The following MALRD1 variants were observed in gnomAD, a reference collection of about 807,000 sequenced individuals.
MALRD1 encodes the protein MAM and LDL-receptor class A domain-containing protein 1.
Under a neutral mutation model 242.1 loss-of-function variants are expected in MALRD1, and 247 were observed. The ratio of observed to expected loss-of-function variants is 1.02; its 90% CI spans 0.92 to 1.13. The LOEUF is 1.13. Ranked by LOEUF, MALRD1 falls within the 50% of genes most tolerant of loss-of-function variation. MALRD1 has a pLI of 0.00. For synonymous variants in MALRD1, 995 were observed against 866.6 expected (o/e 1.15, Z -2.60); for missense variants, 2,989 against 2,533.1 (o/e 1.18, Z -3.86).
intron 10 of MALRD1, among the ~76,000 whole-genome samples, chr10:19,139,277 CAAAAT>C (rs1167655886): frequency 6.6e-6 from 1 of 152,096 alleles, no homozygotes; most frequent in Non-Finnish European, 1.5e-5. Context: ...TATATTCTTA[CAAAAT>C]AAAAGAGGCT....
intron 36 of MALRD1, among the ~76,000 whole-genome samples, chr10:19,684,022 T>C (rs1184477483): frequency 6.6e-6 from 1 of 152,154 alleles, no homozygotes; most frequent in African/African-American, 2.4e-5. Flanking sequence ...AGTGAGAACA[T>C]GCAATGTTTG....
chr10:19,584,487 G>C (rs1326402925), intron 33 of MALRD1, among the ~76,000 whole-genome samples: 1 of 152,144 alleles, frequency 6.6e-6, no homozygotes, highest in African/African-American at 2.4e-5. Flanking sequence ...TATGTACCCA[G>C]TAGTCATTCA....
At chr10:19,673,397 A>G (rs1842008454) in intron 36 of MALRD1, among the ~76,000 whole-genome samples, 1 of 152,168 alleles carries the variant, frequency 6.6e-6, no homozygotes, top group African/African-American at 2.4e-5. Flanking sequence ...AAAATAAATA[A>G]ATAAATAAAA....
chr10:19,670,977 C>A (rs1254541622), intron 36 of MALRD1, among the ~76,000 whole-genome samples: 8 of 151,040 alleles, frequency 5.3e-5, no homozygotes, highest in Admixed American at 5.3e-4. Flanking sequence ...CTCCCGGGTT[C>A]ACGCCATTCT....
At chr10:19,638,421 A>C (rs1306751068) in intron 36 of MALRD1, among the ~76,000 whole-genome samples, 2 of 152,208 alleles carry the variant, frequency 1.3e-5, no homozygotes, top group African/African-American at 4.8e-5. Flanking sequence ...GTGATACTGC[A>C]TTAAGGGAGT....
chr10:19,555,625 A>G (rs1316033852), intron 32 of MALRD1, among the ~76,000 whole-genome samples: 4 of 152,136 alleles, frequency 2.6e-5, no homozygotes, highest in Admixed American at 6.6e-5. Flanking sequence ...GGAAATGTGT[A>G]GGGGAGACAG....
At chr10:19,626,023 T>C (rs1287097345) in intron 36 of MALRD1, among the ~76,000 whole-genome samples, 1 of 152,066 alleles carries the variant, frequency 6.6e-6, no homozygotes, top group East Asian at 1.9e-4. Flanking sequence ...TTTCAAAAAG[T>C]CAATTTAAAG....
chr10:19,588,145 C>T (rs566806124), intron 33 of MALRD1, among the ~76,000 whole-genome samples: 7 of 151,742 alleles, frequency 4.6e-5, no homozygotes, highest in African/African-American at 1.7e-4. Context: ...CAAATATATT[C>T]GAAAATTTTT....
At chr10:19,355,893 T>C (rs1405546026) in intron 26 of MALRD1, among the ~76,000 whole-genome samples, 5 of 132,352 alleles carry the variant, frequency 3.8e-5, no homozygotes, top group Admixed American at 2.3e-4. Flanking sequence ...CATATATATA[T>C]GTTGAATATA....
chr10:19,446,222 C>T (rs766980067), intron 28 of MALRD1, among the ~76,000 whole-genome samples: 7 of 152,164 alleles, frequency 4.6e-5, no homozygotes, highest in Non-Finnish European at 8.8e-5. Context: ...ATTCCCCAGT[C>T]GCTTGTGGTT....
chr10:19,140,365 C>G (rs1833495090), intron 10 of MALRD1, among the ~76,000 whole-genome samples: 1 of 152,122 alleles, frequency 6.6e-6, no homozygotes. Flanking sequence ...TAAAATTTCT[C>G]TAAAACCAAA....
intron 1 of MALRD1, among the ~76,000 whole-genome samples, chr10:19,059,989 G>A (rs572617963): frequency 6.6e-6 from 1 of 152,332 alleles, no homozygotes; most frequent in East Asian, 1.9e-4. Context: ...AGCAAAGGCA[G>A]TCAATATCGG....
intron 26 of MALRD1, among the ~76,000 whole-genome samples, chr10:19,378,441 G>A (rs1845698663): frequency 6.6e-6 from 1 of 152,146 alleles, no homozygotes; most frequent in African/African-American, 2.4e-5. Context: ...ATGGAAAGAA[G>A]TATTAATCTG....
chr10:19,612,613 T>G (rs1187667415), intron 35 of MALRD1, among the ~76,000 whole-genome samples: 1 of 151,802 alleles, frequency 6.6e-6, no homozygotes, highest in Non-Finnish European at 1.5e-5. Flanking sequence ...GACTGGGTAG[T>G]TTATTTAAAA....
chr10:19,332,607 A>G (rs1843425445), intron 24 of MALRD1, among the ~76,000 whole-genome samples: 1 of 152,190 alleles, frequency 6.6e-6, no homozygotes, highest in African/African-American at 2.4e-5. Context: ...CTGAGCTAGA[A>G]TATTGCAGTT....
At chr10:19,134,604 G>A (rs2813776) in intron 9 of MALRD1, among the ~76,000 whole-genome samples, 2 of 151,972 alleles carry the variant, frequency 1.3e-5, no homozygotes, top group Admixed American at 1.3e-4. Flanking sequence ...GGTTATGAAG[G>A]CAACTTCATT....
chr10:19,225,283 G>A (rs1837744833), intron 18 of MALRD1, among the ~76,000 whole-genome samples: 1 of 152,102 alleles, frequency 6.6e-6, no homozygotes, highest in African/African-American at 2.4e-5. Flanking sequence ...ATAGAGAATG[G>A]AGATAATGGA....
At chr10:19,516,692 C>T (rs907212388) in intron 31 of MALRD1, among the ~76,000 whole-genome samples, 1 of 148,076 alleles carries the variant, frequency 6.8e-6, no homozygotes, top group African/African-American at 2.6e-5. Flanking sequence ...CTCCTCCCTC[C>T]CTTCCTCCCT....
intron 18 of MALRD1, among the ~76,000 whole-genome samples, chr10:19,223,498 T>C (rs2131671273): frequency 6.6e-6 from 1 of 152,242 alleles, no homozygotes; most frequent in Non-Finnish European, 1.5e-5. Context: ...ATATTTCTAT[T>C]TTTACCATTT....
Sources: allele counts gnomAD v4.1 joint callset (sites outside exome capture counted in the v4.1 genomes callset), GRCh38; gene constraint gnomAD v4.1.1; transcripts MANE v1.5; gene names NCBI Gene and HGNC (gene_info 2026-07-23, HGNC 2026-07-21).